CELA2B: variants seen among roughly 807,000 people sequenced by gnomAD.
The protein encoded by CELA2B is chymotrypsin like elastase 2B.
CELA2B carries 27 observed loss-of-function variants against 36.5 expected under a neutral mutation model. That is an observed-to-expected ratio of 0.74 (90% CI 0.55 to 1.02). The LOEUF (loss-of-function observed/expected upper bound fraction) is 1.02, where lower values mean the gene tolerates loss of function less well. Among genes scored for constraint, CELA2B ranks in the 50% least tolerant of loss-of-function variants. The pLI, the probability that CELA2B is intolerant of heterozygous loss-of-function variation, is 0.00. For missense variants in CELA2B, 340 were observed against 347.8 expected (o/e 0.98, Z 0.18); for synonymous variants, 143 against 148.5 (o/e 0.96, Z 0.27).
At chr1:15,477,368 CAAAAGAAATGTGTA>C (rs1708685831) in intron 2 of CELA2B, among the ~76,000 whole-genome samples, 3 of 152,108 alleles carry the variant, frequency 2.0e-5, no homozygotes, top group African/African-American at 7.2e-5. Context: ...GTGGGAATTT[CAAAAGAAATGTGTA>C]AAGTTTACAT....
intron 3 of CELA2B, chr1:15,481,753 A>G (rs1156903324): frequency 4.3e-6 from 2 of 469,466 alleles, no homozygotes; most frequent in Admixed American, 2.3e-5. Flanking sequence ...CTGCCGGGTC[A>G]GTGTGACTCC....
chr1:15,486,179 T>C (rs1382128221), intron 6 of CELA2B, 133 bp downstream of exon 6: 16 of 1,193,480 alleles, frequency 1.3e-5, no homozygotes, highest in Non-Finnish European at 1.6e-5. Context: ...TGGTACCAGA[T>C]ATATCAGAAC....
chr1:15,490,070 C>T (rs1708859199), intron 7 of CELA2B, among the ~76,000 whole-genome samples: 1 of 152,112 alleles, frequency 6.6e-6, no homozygotes, highest in Non-Finnish European at 1.5e-5. Flanking sequence ...GATGGGGTTT[C>T]ACCATGTTGG....
At chr1:15,478,337 A>G (rs1029852482) in intron 2 of CELA2B, among the ~76,000 whole-genome samples, 7 of 151,816 alleles carry the variant, frequency 4.6e-5, no homozygotes, top group African/African-American at 1.5e-4. Context: ...TCTGCCTCCC[A>G]GGTTCAAGTG....
At position 15,487,285 on chromosome 1, in the gene CELA2B, GGA is replaced by G. The variant is rs1557527068; in HGVS notation, c.643_644del (p.Asp215LeufsTer11). The G allele has an allele frequency of 1.2e-6, 2 of 1,614,004 alleles. No individual in the cohort carries two copies. The highest frequency in any genetic ancestry group is 1.7e-6 in the Non-Finnish European group (2 of 1,179,996). On this transcript the variant is annotated frameshift_variant and splice_region_variant, in exon 7 of 8. Transcript: ENST00000375910. LOFTEE classifies it high-confidence loss of function. Reference protein sequence around the residue: ...GGDGVICTCNGDSGGPLNCQA... With the variant: ...GGDGVICTCNXDSGGPLNCQA... ...TCCCTATAACTCTGGCCTTCCTCAG[GGA>G]GACTCCGGTGGGCCGCTGAACTGTC... is the stretch of plus-strand genomic sequence containing the variant.
At position 15,476,500 on chromosome 1, in the gene CELA2B, G is replaced by A. The variant is rs759744443; in HGVS notation, c.84G>A (p.Arg28=). ...CCACTTACGCGCCTGATATGTCTAG[G>A]ATGCTTGGAGGTGAAGAAGCGAGGC... The part of the protein sequence containing the change: ...GVSTYAPDMS[R]MLGGEEARPN... The change falls in exon 2 of 8, where the codon AGG becomes AGA. Residue 28 remains arginine, a synonymous_variant. Transcript: ENST00000375910. 2 of 1,614,094 alleles carry A rather than the reference G, an allele frequency of 1.2e-6. No individual in the cohort carries two copies. The highest frequency in any genetic ancestry group is 2.2e-5 in the South Asian group (2 of 91,082).
intron 2 of CELA2B, among the ~76,000 whole-genome samples, chr1:15,477,066 G>A (rs1326661637): frequency 6.6e-6 from 1 of 152,176 alleles, no homozygotes; most frequent in Non-Finnish European, 1.5e-5. Flanking sequence ...GCAGTAAAGA[G>A]CTGTCCCCTC....
intron 7 of CELA2B, among the ~76,000 whole-genome samples, chr1:15,490,135 A>G (rs755458861): frequency 1.3e-5 from 2 of 152,090 alleles, no homozygotes; most frequent in Non-Finnish European, 2.9e-5. Context: ...CAGCCTCCCA[A>G]TGTGCTGGGA....
intron 6 of CELA2B, among the ~76,000 whole-genome samples, chr1:15,486,640 G>C (rs1026718404): frequency 2.0e-5 from 3 of 152,226 alleles, no homozygotes; most frequent in African/African-American, 7.2e-5. Flanking sequence ...GGGAACCAAA[G>C]GAAAGTATTC....
chr1:15,487,307 A>T lies in CELA2B; in HGVS notation c.662A>T (p.Asn221Ile). ...TCNGDSGGPL[N>I]CQASDGRWEV... ...CAGGGAGACTCCGGTGGGCCGCTGA[A>T]CTGTCAGGCATCTGACGGCCGGTGG... Residue 221 changes from asparagine (N) to isoleucine (I), a missense_variant, in exon 7 of 8, where the codon AAC becomes ATC. Transcript: ENST00000375910. The T allele has an allele frequency of 8.1e-6, 13 of 1,614,232 alleles. No individual in the cohort carries two copies. Among genetic ancestry groups the T allele is most frequent in the Non-Finnish European group, 1.1e-5 (13 of 1,180,034 alleles).
chr1:15,489,908 C>T (rs534237643), intron 7 of CELA2B, among the ~76,000 whole-genome samples: 1 of 152,210 alleles, frequency 6.6e-6, no homozygotes, highest in East Asian at 1.9e-4. Flanking sequence ...GAGTCTCGCT[C>T]TGTTGCACAG....
chr1:15,488,272 A>G (rs1381360672), intron 7 of CELA2B, among the ~76,000 whole-genome samples: 1 of 151,940 alleles, frequency 6.6e-6, no homozygotes, highest in Non-Finnish European at 1.5e-5. Context: ...CTGTAGTCTC[A>G]GCTGCTTGGG....
At chr1:15,489,519 G>C (rs1030206603) in intron 7 of CELA2B, among the ~76,000 whole-genome samples, 1 of 152,164 alleles carries the variant, frequency 6.6e-6, no homozygotes, top group African/African-American at 2.4e-5. Flanking sequence ...CCCAACCCAG[G>C]GACACAGTGT....
chr1:15,482,199 A>G, intron 3 of CELA2B, 66 bp from the exon 4 acceptor site: 2 of 1,585,798 alleles, frequency 1.3e-6, no homozygotes, highest in South Asian at 1.2e-5. Flanking sequence ...ACTTGGGTCT[A>G]TCCCTAGCAT....
At chr1:15,481,039 T>G in intron 2 of CELA2B, 59 bp from the exon 3 acceptor site, 1 of 1,594,516 alleles carries the variant, frequency 6.3e-7, no homozygotes, top group Admixed American at 1.7e-5. Flanking sequence ...CTTGGGAAAC[T>G]GGAGTGCAGG....
chr1:15,476,772 C>A (rs1328500994), intron 2 of CELA2B, among the ~76,000 whole-genome samples: 1 of 152,092 alleles, frequency 6.6e-6, no homozygotes, highest in African/African-American at 2.4e-5. Context: ...TACCTGAAGT[C>A]AGAAGTTTGA....
intron 1 of CELA2B, 86 bp from the exon 2 acceptor site, chr1:15,476,371 T>C: frequency 6.8e-7 from 1 of 1,464,760 alleles, no homozygotes; most frequent in Non-Finnish European, 9.6e-7. Context: ...AAGGGTTTTC[T>C]ATTTGGGGGT....
At chr1:15,491,212 CA>C (rs1195462639) in intron 7 of CELA2B, 82 bp from the exon 8 acceptor site, 62 of 1,555,498 alleles carry the variant, frequency 4.0e-5, no homozygotes, top group Non-Finnish European at 5.2e-5. Context: ...TAGCTTAGCC[CA>C]GGAGGACAGA....
rs752894833 is a variant in CELA2B, at chr1:15,487,359, G to A, written c.714G>A (p.Thr238=). 8 of 1,614,248 alleles carry A rather than the reference G, an allele frequency of 5.0e-6. No individual in the cohort carries two copies. Among genetic ancestry groups the A allele is most frequent in the African/African-American group, 2.7e-5 (2 of 75,072 alleles). ...RWEVHGIGSL[T]SVLGCNYYYK... is the part of the protein sequence containing the mutation. ...AGGTGCATGGCATCGGCAGCCTCAC[G>A]TCGGTCCTTGGTTGCAACTACTACT... Residue 238 remains threonine, a synonymous_variant, in exon 7 of 8, where the codon ACG becomes ACA. Transcript: ENST00000375910.
Sources: allele counts gnomAD v4.1 joint callset (sites outside exome capture counted in the v4.1 genomes callset), GRCh38; gene constraint gnomAD v4.1.1; transcripts MANE v1.5; gene names NCBI Gene and HGNC (gene_info 2026-07-23, HGNC 2026-07-21).